HDAC9: variants seen among roughly 807,000 people sequenced by gnomAD.
HDAC9 encodes histone deacetylase 9.
HDAC9 carries 41 observed loss-of-function variants against 139.4 expected under a neutral mutation model. That is an observed-to-expected ratio of 0.29 (90% confidence interval 0.23 to 0.38). The LOEUF is 0.38. HDAC9 is among the 10% of genes least tolerant of loss of function. The pLI, the probability that HDAC9 is intolerant of heterozygous loss-of-function variation, is 1.00. For synonymous variants in HDAC9, 517 were observed against 476.2 expected (o/e 1.09, Z -1.12); for missense variants, 1,147 against 1,297.0 (o/e 0.88, Z 1.78).
intron 2 of HDAC9, among the ~76,000 whole-genome samples, chr7:18,229,808 T>C (rs981130732): frequency 2.0e-5 from 3 of 152,186 alleles, no homozygotes; most frequent in African/African-American, 7.2e-5. Flanking sequence ...ATGGAAAGCA[T>C]GATTCAAAGA....
At chr7:18,817,183 C>A (rs765078915) in intron 17 of HDAC9, among the ~76,000 whole-genome samples, 2 of 151,980 alleles carry the variant, frequency 1.3e-5, no homozygotes, top group Non-Finnish European at 2.9e-5. Context: ...TACAGGCGCC[C>A]GCCACCACGC....
chr7:18,611,962 G>A lies in HDAC9; in HGVS notation c.665-17388G>A, dbSNP rs116066187. Among the ~76,000 whole-genome samples the A allele has an allele frequency of 4.1e-3, 625 of 152,232 alleles. 4 individuals carry two copies. The highest frequency in any genetic ancestry group is 0.015 in the African/African-American group (604 of 41,582). ...ATAAGGTATTTCAAAGGTGAAACCTGTTTCAAGTTGGGCTTTCCAAATATG... is the reference window on the plus strand; with the variant it reads ...ATAAGGTATTTCAAAGGTGAAACCTATTTCAAGTTGGGCTTTCCAAATATG... On this transcript the variant is annotated intron_variant, in intron 6 of 25. Transcript: ENST00000686413.
intron 1 of HDAC9, among the ~76,000 whole-genome samples, chr7:18,413,014 A>C (rs1414456308): frequency 1.3e-5 from 2 of 152,230 alleles, no homozygotes; most frequent in Non-Finnish European, 2.9e-5. Context: ...AGATTAACTA[A>C]TTAAAAATGT....
In HDAC9 at chr7:18,594,035, T is replaced by C. The variant is rs371291886; in HGVS notation, c.664+6T>C. 42 of 1,612,064 alleles carry C rather than the reference T, an allele frequency of 2.6e-5. No homozygotes were observed. Among genetic ancestry groups the C allele is most frequent in the Non-Finnish European group, 3.5e-5 (41 of 1,178,744 alleles). ...TTTCCCCCTTCGAAAAACTGGTAAG[T>C]TGGTTTAACAGGAACTCTGTTTGCT... On this transcript the variant is annotated splice_donor_region_variant and intron_variant, in intron 6 of 25. Transcript: ENST00000686413.
chr7:18,732,582 T>C (rs1173714440), intron 13 of HDAC9, among the ~76,000 whole-genome samples: 9 of 149,840 alleles, frequency 6.0e-5, no homozygotes, highest in Admixed American at 2.0e-4. Flanking sequence ...TGCATGTGTA[T>C]ATACACACAC....
At chr7:18,968,234 C>G (rs1384895891) in intron 24 of HDAC9, among the ~76,000 whole-genome samples, 1 of 152,200 alleles carries the variant, frequency 6.6e-6, no homozygotes, top group Non-Finnish European at 1.5e-5. Context: ...CCCTTATCAA[C>G]CATACTTTAG....
chr7:18,983,573 A>T (rs944691011), intron 25 of HDAC9, among the ~76,000 whole-genome samples: 1 of 152,106 alleles, frequency 6.6e-6, no homozygotes, highest in Non-Finnish European at 1.5e-5. Context: ...TGGTCACAGC[A>T]CTCAGTTTTT....
intron 1 of HDAC9, among the ~76,000 whole-genome samples, chr7:18,293,707 T>C (rs1797965215): frequency 6.6e-6 from 1 of 152,144 alleles, no homozygotes. Flanking sequence ...TAGAGACAGA[T>C]TCAGAGTGCC....
chr7:18,572,852 C>T (rs1824753323), intron 2 of HDAC9, among the ~76,000 whole-genome samples: 1 of 152,138 alleles, frequency 6.6e-6, no homozygotes, highest in Non-Finnish European at 1.5e-5. Context: ...AACTAGCAAA[C>T]ATTGCGATAC....
chr7:18,268,976 A>G (rs1278560977), intron 2 of HDAC9, among the ~76,000 whole-genome samples: 1 of 152,182 alleles, frequency 6.6e-6, no homozygotes, highest in African/African-American at 2.4e-5. Context: ...GTACAATCTC[A>G]TTTTATACAG....
chr7:18,584,092 C>A (rs1001555143), intron 2 of HDAC9, among the ~76,000 whole-genome samples: 5 of 151,206 alleles, frequency 3.3e-5, no homozygotes, highest in Non-Finnish European at 7.4e-5. Flanking sequence ...CCTGGATATC[C>A]TGTCTGTGAG....
intron 13 of HDAC9, among the ~76,000 whole-genome samples, chr7:18,740,527 C>T (rs77682322): frequency 3.9e-5 from 6 of 152,132 alleles, no homozygotes; most frequent in African/African-American, 7.2e-5. Flanking sequence ...CTCCACTAAG[C>T]GGGCATGGCC....
At chr7:18,952,120 A>C (rs940032724) in intron 23 of HDAC9, among the ~76,000 whole-genome samples, 12 of 151,980 alleles carry the variant, frequency 7.9e-5, no homozygotes, top group African/African-American at 2.7e-4. Flanking sequence ...ATTCAACTAA[A>C]ACATGCAGGG....
intron 11 of HDAC9, among the ~76,000 whole-genome samples, chr7:18,651,958 A>G (rs1789416753): frequency 6.6e-6 from 1 of 152,080 alleles, no homozygotes; most frequent in Non-Finnish European, 1.5e-5. Context: ...AGAATGATTT[A>G]TCTCTGCTCA....
chr7:18,957,838 C>G (rs1455732179), intron 24 of HDAC9, among the ~76,000 whole-genome samples: 2 of 152,134 alleles, frequency 1.3e-5, no homozygotes, highest in African/African-American at 2.4e-5. Flanking sequence ...CACCTTCTAG[C>G]CCAGGTTCTG....
At chr7:18,156,259 T>C (rs912077073) in intron 1 of HDAC9, among the ~76,000 whole-genome samples, 28 of 152,164 alleles carry the variant, frequency 1.8e-4, no homozygotes, top group African/African-American at 6.8e-4. Flanking sequence ...TTCAATGAGC[T>C]AAGAAATTAC....
intron 6 of HDAC9, 47 bp from the exon 7 acceptor site, chr7:18,629,303 A>AT (rs1220547927): frequency 3.4e-6 from 5 of 1,475,006 alleles, no homozygotes; most frequent in East Asian, 5.1e-5. Context: ...TTGGCTCTCT[A>AT]TTTTTTTAAT....
chr7:18,104,301 G>C (rs1359137792), intron 1 of HDAC9, among the ~76,000 whole-genome samples: 2 of 151,506 alleles, frequency 1.3e-5, no homozygotes, highest in African/African-American at 4.9e-5. Flanking sequence ...CCATAAGCTT[G>C]AAAGGACCAA....
chr7:18,221,726 T>TA (rs1792720663), intron 2 of HDAC9, among the ~76,000 whole-genome samples: 1 of 152,144 alleles, frequency 6.6e-6, no homozygotes, highest in African/African-American at 2.4e-5. Flanking sequence ...ATTTTTTTTT[T>TA]ATGCCTTAGA....
Sources: allele counts gnomAD v4.1 joint callset (sites outside exome capture counted in the v4.1 genomes callset), GRCh38; gene constraint gnomAD v4.1.1; transcripts MANE v1.5; gene names NCBI Gene and HGNC (gene_info 2026-07-23, HGNC 2026-07-21).